The following TRPC4 variants were observed in gnomAD, a reference collection of about 807,000 sequenced individuals.
TRPC4 encodes the protein short transient receptor potential channel 4.
Under a neutral mutation model 99.4 loss-of-function variants are expected in TRPC4, and 49 were observed. The ratio of observed to expected loss-of-function variants is 0.49; its 90% CI spans 0.39 to 0.63. The LOEUF (loss-of-function observed/expected upper bound fraction) is 0.63. Among genes scored for constraint, TRPC4 ranks in the 20% least tolerant of loss-of-function variants. TRPC4 has a pLI of 0.00. For synonymous variants in TRPC4, 454 were observed against 425.9 expected (o/e 1.07, Z -0.81); for missense variants, 898 against 1,152.9 (o/e 0.78, Z 3.20).
At chr13:37,771,558 AGTGTGTGTGTGT>A (rs34539317) in intron 2 of TRPC4, among the ~76,000 whole-genome samples, 111 of 147,492 alleles carry the variant, frequency 7.5e-4, no homozygotes, top group African/African-American at 2.5e-3. Flanking sequence ...AGTGTGCATG[AGTGTGTGTGTGT>A]GTGTGTGTGT....
chr13:37,857,846 C>A (rs1413832525), intron 1 of TRPC4, among the ~76,000 whole-genome samples: 1 of 151,520 alleles, frequency 6.6e-6, no homozygotes, highest in Non-Finnish European at 1.5e-5. Flanking sequence ...CTTCAGAACA[C>A]TGGTCTGGGA....
intron 1 of TRPC4, among the ~76,000 whole-genome samples, chr13:37,787,579 A>G (rs1354925960): frequency 6.6e-6 from 1 of 152,032 alleles, no homozygotes; most frequent in Non-Finnish European, 1.5e-5. Context: ...AGTGTTACAT[A>G]AAAAATATTG....
intron 2 of TRPC4, among the ~76,000 whole-genome samples, chr13:37,749,148 A>T (rs1184668910): frequency 6.6e-6 from 1 of 151,914 alleles, no homozygotes; most frequent in Admixed American, 6.6e-5. Flanking sequence ...GCCATGTAAG[A>T]TGTGCCTTGC....
chr13:37,809,829 G>T (rs1957626209), intron 1 of TRPC4, among the ~76,000 whole-genome samples: 1 of 152,052 alleles, frequency 6.6e-6, no homozygotes, highest in Non-Finnish European at 1.5e-5. Context: ...TAGCCTGAAT[G>T]AAGTTAGACT....
intron 1 of TRPC4, among the ~76,000 whole-genome samples, chr13:37,852,792 G>T (rs1037697347): frequency 2.1e-4 from 32 of 152,226 alleles, no homozygotes; most frequent in Middle Eastern, 6.8e-3. Context: ...AAGAACTCTT[G>T]GGCATTAAGT....
At chr13:37,760,968 A>G (rs1052530379) in intron 2 of TRPC4, among the ~76,000 whole-genome samples, 8 of 151,990 alleles carry the variant, frequency 5.3e-5, no homozygotes, top group African/African-American at 1.9e-4. Context: ...TGAATTAAAA[A>G]TACCAGCAAA....
At chr13:37,727,370 T>A (rs1455320300) in intron 3 of TRPC4, among the ~76,000 whole-genome samples, 2 of 151,810 alleles carry the variant, frequency 1.3e-5, no homozygotes, top group African/African-American at 4.8e-5. Context: ...AGAAAATAAA[T>A]ATTAATGAAA....
chr13:37,741,924 A>AT (rs533145237), intron 3 of TRPC4, among the ~76,000 whole-genome samples: 2 of 94,968 alleles, frequency 2.1e-5, no homozygotes, highest in Admixed American at 2.1e-4. Flanking sequence ...TGTGACTCCG[A>AT]TTTTTTCATG....
intron 2 of TRPC4, among the ~76,000 whole-genome samples, chr13:37,780,309 T>A (rs1288215043): frequency 6.6e-6 from 1 of 151,960 alleles, no homozygotes; most frequent in Non-Finnish European, 1.5e-5. Context: ...CAGATTTGGA[T>A]TTTTTTTCTT....
chr13:37,679,686 C>T (rs944309365), intron 4 of TRPC4, among the ~76,000 whole-genome samples: 9 of 152,152 alleles, frequency 5.9e-5, no homozygotes, highest in East Asian at 3.9e-4. Context: ...ATTCTAAATT[C>T]GGCATTTACA....
At chr13:37,747,700 A>C (rs1044275329) in intron 2 of TRPC4, among the ~76,000 whole-genome samples, 1 of 152,188 alleles carries the variant, frequency 6.6e-6, no homozygotes, top group Non-Finnish European at 1.5e-5. Context: ...TCATCTGGCC[A>C]TATAGGATAT....
intron 1 of TRPC4, among the ~76,000 whole-genome samples, chr13:37,846,672 A>G (rs1958910895): frequency 6.6e-6 from 1 of 152,080 alleles, no homozygotes. Flanking sequence ...AAAATAATCA[A>G]AAAACAAATT....
chr13:37,856,289 G>A (rs1959173512), intron 1 of TRPC4, among the ~76,000 whole-genome samples: 1 of 150,048 alleles, frequency 6.7e-6, no homozygotes, highest in South Asian at 2.1e-4. Context: ...CAAATTCCTG[G>A]ACACATATAA....
At chr13:37,733,679 T>C (rs749600296) in intron 3 of TRPC4, among the ~76,000 whole-genome samples, 3 of 152,066 alleles carry the variant, frequency 2.0e-5, no homozygotes, top group Non-Finnish European at 4.4e-5. Flanking sequence ...GACCTAGTCT[T>C]TGTGTTTTTT....
At chr13:37,751,008 T>C (rs1226172142) in intron 2 of TRPC4, among the ~76,000 whole-genome samples, 2 of 152,090 alleles carry the variant, frequency 1.3e-5, no homozygotes, top group Admixed American at 6.6e-5. Flanking sequence ...TTTCTTCCTA[T>C]AGAAAATGGA....
intron 1 of TRPC4, among the ~76,000 whole-genome samples, chr13:37,827,022 T>G (rs1958246602): frequency 1.3e-5 from 2 of 152,094 alleles, no homozygotes; most frequent in Admixed American, 6.6e-5. Flanking sequence ...TTTCATTCGT[T>G]TCATCTTCCA....
chr13:37,797,984 A>G (rs1175721111), intron 1 of TRPC4, among the ~76,000 whole-genome samples: 1 of 152,164 alleles, frequency 6.6e-6, no homozygotes, highest in African/African-American at 2.4e-5. Context: ...GCATATTGGC[A>G]CTTAGATAGT....
chr13:37,644,840 T>A (rs954477460), intron 8 of TRPC4, among the ~76,000 whole-genome samples: 16 of 116,572 alleles, frequency 1.4e-4, no homozygotes, highest in Non-Finnish European at 2.6e-4. Flanking sequence ...GCCACTGCAC[T>A]CCAGCCTGGG....
At chr13:37,803,090 T>G (rs577326030) in intron 1 of TRPC4, among the ~76,000 whole-genome samples, 1 of 152,244 alleles carries the variant, frequency 6.6e-6, no homozygotes, top group Non-Finnish European at 1.5e-5. Flanking sequence ...TGTCTCATCT[T>G]TGTCCATTGG....
Sources: allele counts gnomAD v4.1 joint callset (sites outside exome capture counted in the v4.1 genomes callset), GRCh38; gene constraint gnomAD v4.1.1; transcripts MANE v1.5; gene names NCBI Gene and HGNC (gene_info 2026-07-23, HGNC 2026-07-21).